KLF8: variants seen among roughly 807,000 people sequenced by gnomAD.
KLF8 encodes Krueppel-like factor 8.
Under a neutral mutation model 18.2 loss-of-function variants are expected in KLF8, and 10 were observed. The observed-to-expected ratio is 0.55, with a 90% CI of 0.34 to 0.93. The LOEUF is 0.93. KLF8 is among the 40% of genes least tolerant of loss of function. KLF8 has a pLI of 0.02. For synonymous variants in KLF8, 109 were observed against 97.3 expected, an observed-to-expected ratio of 1.12 and a Z score of -0.71; for missense variants, 264 against 277.9, an observed-to-expected ratio of 0.95 and a Z score of 0.36.
chrX:55,947,611 C>G, the KLF8 span, among the ~76,000 whole-genome samples: 1 of 105,573 alleles, frequency 9.5e-6, no homozygotes, highest in Non-Finnish European at 1.9e-5. Flanking sequence ...ACATTGTGCA[C>G]ATGTACCCTA....
the KLF8 span, among the ~76,000 whole-genome samples, chrX:56,101,012 G>A: frequency 9.0e-6 from 1 of 111,240 alleles, no homozygotes; most frequent in African/African-American, 3.3e-5. Context: ...GTGCAGGTTT[G>A]TTACATGGGT....
chrX:56,143,255 T>G, the KLF8 span, among the ~76,000 whole-genome samples: 1 of 112,155 alleles, frequency 8.9e-6, no homozygotes, highest in East Asian at 2.8e-4. Context: ...TCTTCTAGAT[T>G]GTCCTATGTC....
chrX:56,103,620 A>G, the KLF8 span, among the ~76,000 whole-genome samples: 1 of 111,495 alleles, frequency 9.0e-6, no homozygotes, highest in Non-Finnish European at 1.9e-5. Context: ...GGCTGAGACA[A>G]TGGGGTTTTC....
chrX:56,101,221 A>G, the KLF8 span, among the ~76,000 whole-genome samples: 1 of 111,807 alleles, frequency 8.9e-6, no homozygotes, highest in Non-Finnish European at 1.9e-5. Flanking sequence ...AACATGTGGC[A>G]TTTTGCTTTC....
chrX:56,287,796 C>A lies in KLF8; in HGVS notation c.*3302C>A, dbSNP rs1265799759. 1 of 111,798 alleles carries A rather than the reference C, an allele frequency of 8.9e-6. No homozygotes were observed. Among genetic ancestry groups the A allele is most frequent in the Non-Finnish European group, 1.9e-5 (1 of 53,208 alleles). The allele number at this position is 111,798 out of a possible 1,213,427, so 9.2% of individuals were successfully genotyped here. ...CTAGTACAGAGAGGTCTCATTTACC[C>A]CACACCCAGTTTCTCCTGTTATTAG... On this transcript the variant is annotated 3_prime_UTR_variant, in exon 6 of 6. Coordinates refer to ENST00000468660, the MANE Select transcript of KLF8 (RefSeq NM_007250.5).
At chrX:56,192,564 A>T in the KLF8 span, among the ~76,000 whole-genome samples, 109 of 112,155 alleles carry the variant, frequency 9.7e-4, no homozygotes, top group African/African-American at 3.5e-3. Context: ...CTGACTACAA[A>T]TTATGCAAAA....
the KLF8 span, among the ~76,000 whole-genome samples, chrX:56,094,921 T>C: frequency 9.0e-6 from 1 of 111,371 alleles, no homozygotes. Context: ...ATTAAAATGA[T>C]CATGCTGCCC....
Position 56,243,029 on chromosome X carries a change from G to A in KLF8, c.8-7202G>A, listed in dbSNP as rs1458316471. The A allele has an allele frequency of 1.2e-5, 6 of 505,190 alleles. No homozygotes were observed. In the East Asian group the frequency reaches 2.3e-4, roughly 19 times the overall value. 41.6% of individuals were successfully genotyped at this position (505,190 alleles called of 1,213,427 possible). On this transcript the variant is annotated intron_variant, in intron 1 of 5. Coordinates refer to ENST00000468660, the MANE Select transcript of KLF8 (RefSeq NM_007250.5). The stretch of plus-strand genomic sequence containing the variant: ...TTCTTCTCTCCATCAGGTCAAATCA[G>A]GGTGTTGATTTGCCACATCAGTATC...
At chrX:55,965,559 A>G in the KLF8 span, among the ~76,000 whole-genome samples, 5 of 111,955 alleles carry the variant, frequency 4.5e-5, no homozygotes, top group Non-Finnish European at 9.4e-5. Context: ...GGAAAGAAAT[A>G]AATGGACTCT....
chrX:55,968,775 T>G, the KLF8 span, among the ~76,000 whole-genome samples: 1 of 112,145 alleles, frequency 8.9e-6, no homozygotes, highest in South Asian at 3.7e-4. Context: ...TATGTGGAAC[T>G]GTGATTCAAT....
At chrX:56,187,107 A>G in the KLF8 span, among the ~76,000 whole-genome samples, 1 of 111,953 alleles carries the variant, frequency 8.9e-6, no homozygotes, top group Admixed American at 9.5e-5. Flanking sequence ...AAGGATCAAC[A>G]AAATTGATAG....
chrX:56,255,809 T>C (rs768647780), intron 2 of KLF8, among the ~76,000 whole-genome samples: 5 of 112,124 alleles, frequency 4.5e-5, no homozygotes, highest in Non-Finnish European at 9.4e-5. Flanking sequence ...TGAGGATTTT[T>C]GCATCAGTAT....
At chrX:56,069,017 A>G in the KLF8 span, among the ~76,000 whole-genome samples, 4 of 110,722 alleles carry the variant, frequency 3.6e-5, no homozygotes, top group Non-Finnish European at 7.6e-5. Context: ...AGCAGGTAAC[A>G]CCTATTAGAG....
chrX:56,085,431 G>A, the KLF8 span, among the ~76,000 whole-genome samples: 24 of 112,161 alleles, frequency 2.1e-4, no homozygotes, highest in East Asian at 5.6e-4. Context: ...CAGTAGCGCC[G>A]AAGACAGAAT....
At chrX:56,173,761 C>T in the KLF8 span, among the ~76,000 whole-genome samples, 3 of 111,423 alleles carry the variant, frequency 2.7e-5, no homozygotes, top group South Asian at 1.1e-3. Context: ...TGTTTGTATC[C>T]TCTTTTATTT....
the KLF8 span, among the ~76,000 whole-genome samples, chrX:55,940,435 A>C: frequency 8.9e-6 from 1 of 111,853 alleles, no homozygotes; most frequent in Non-Finnish European, 1.9e-5. Flanking sequence ...TGAATGGACA[A>C]AAACTGGAAG....
chrX:56,090,120 G>A, the KLF8 span, among the ~76,000 whole-genome samples: 1 of 111,910 alleles, frequency 8.9e-6, no homozygotes, highest in African/African-American at 3.2e-5. Flanking sequence ...CAGAAGCACA[G>A]GCTCATCGAA....
chrX:56,182,115 G>T, the KLF8 span, among the ~76,000 whole-genome samples: 4 of 111,157 alleles, frequency 3.6e-5, no homozygotes, highest in East Asian at 2.8e-4. Flanking sequence ...ACATAGATTT[G>T]GTCTTTTCAC....
the KLF8 span, among the ~76,000 whole-genome samples, chrX:56,058,875 G>A: frequency 2.1e-4 from 24 of 111,640 alleles, no homozygotes; most frequent in South Asian, 7.2e-3. Context: ...CCAGTAGTGG[G>A]ATTGCTGGGT....
Sources: gnomAD v4.1 joint callset for allele counts (sites outside exome capture counted in the v4.1 genomes callset) on GRCh38, gnomAD v4.1.1 for gene constraint, MANE v1.5 for transcripts, NCBI Gene and HGNC (gene_info 2026-07-23, HGNC 2026-07-21) for gene names.